The following PTPN2 variants were observed in gnomAD, a reference collection of about 807,000 sequenced individuals.
The protein encoded by PTPN2 is protein tyrosine phosphatase non-receptor type 2, also known as tyrosine-protein phosphatase non-receptor type 2.
PTPN2 carries 19 observed loss-of-function variants against 57.3 expected under a neutral mutation model. That is an observed-to-expected ratio of 0.33 (90% CI 0.23 to 0.49). The LOEUF is 0.49. Ranked by LOEUF, PTPN2 falls within the 20% of genes least tolerant of loss-of-function variation. PTPN2 has a pLI of 0.99. For synonymous variants in PTPN2, 153 were observed against 164.9 expected, an observed-to-expected ratio of 0.93 and a Z score of 0.55; for missense variants, 358 against 501.1, an observed-to-expected ratio of 0.71 and a Z score of 2.73.
intron 3 of PTPN2, among the ~76,000 whole-genome samples, chr18:12,836,122 TA>T (rs1266598032): frequency 6.6e-6 from 1 of 152,240 alleles, no homozygotes; most frequent in African/African-American, 2.4e-5. Context: ...TAAAAATCTT[TA>T]GGGGGAAAGA....
intron 1 of PTPN2, among the ~76,000 whole-genome samples, chr18:12,875,045 A>G (rs1488342193): frequency 2.6e-5 from 4 of 152,014 alleles, no homozygotes; most frequent in Non-Finnish European, 5.9e-5. Flanking sequence ...TGCTGTGTCC[A>G]CTCAGGGTTA....
intron 9 of PTPN2, chr18:12,786,253 T>G (rs1261166439): frequency 5.7e-6 from 1 of 175,292 alleles, no homozygotes; most frequent in Non-Finnish European, 1.2e-5. Flanking sequence ...TGGAATTCAA[T>G]GCAAAAGTCT....
chr18:12,841,306 G>A (rs1284255915), intron 2 of PTPN2, among the ~76,000 whole-genome samples: 1 of 152,262 alleles, frequency 6.6e-6, no homozygotes, highest in Admixed American at 6.5e-5. Context: ...GGCGGACCCT[G>A]AAGGGCACGT....
rs77581768 is a variant in PTPN2, at chr18:12,881,808, A to C, written c.69+2265T>G. On this transcript the variant is annotated intron_variant, in intron 1 of 8. Coordinates refer to ENST00000309660, the MANE Select transcript of PTPN2 (RefSeq NM_002828.4). ...CAACTCCACAAGACCCTGTGCTTCA[A>C]GCTAGCTTTACATGTATCACTTTAA... Among the ~76,000 whole-genome samples, 1,522 of 152,334 alleles carry C rather than the reference A, an allele frequency of 1.0e-2. 13 individuals are homozygous for C. The highest frequency in any genetic ancestry group is 0.014 in the Admixed American group (207 of 15,304).
chr18:12,852,616 A>G (rs2043437074), intron 2 of PTPN2, among the ~76,000 whole-genome samples: 1 of 152,190 alleles, frequency 6.6e-6, no homozygotes, highest in Non-Finnish European at 1.5e-5. Context: ...CCTGGGCTCA[A>G]GCGATCCTCC....
chr18:12,854,976 C>G (rs573238195), intron 2 of PTPN2, among the ~76,000 whole-genome samples: 1 of 152,230 alleles, frequency 6.6e-6, no homozygotes, highest in Admixed American at 6.5e-5. Flanking sequence ...CATGGTGAAA[C>G]CCTGTTTCTA....
intron 2 of PTPN2, among the ~76,000 whole-genome samples, chr18:12,842,090 G>A (rs982041355): frequency 1.3e-5 from 2 of 152,158 alleles, no homozygotes; most frequent in African/African-American, 4.8e-5. Context: ...ATTTTTAGCA[G>A]AGACGGGGTT....
At chr18:12,864,619 C>T (rs1385410604) in intron 1 of PTPN2, among the ~76,000 whole-genome samples, 2 of 151,942 alleles carry the variant, frequency 1.3e-5, no homozygotes, top group Admixed American at 6.6e-5. Flanking sequence ...AGGATGGTCT[C>T]GATCTCCTGA....
chr18:12,825,771 T>C (rs2145352249), intron 5 of PTPN2, 39 bp downstream of exon 5: 1 of 1,559,164 alleles, frequency 6.4e-7, no homozygotes, highest in East Asian at 2.3e-5. Flanking sequence ...CTTTAAACCA[T>C]CATATAAAGT....
At position 12,870,331 on chromosome 18, in the gene PTPN2, G is replaced by GTA. The variant is rs1177621527; in HGVS notation, c.70-11079_70-11078dup. Among the ~76,000 whole-genome samples, 4 of 61,004 alleles carry GTA rather than the reference G, an allele frequency of 6.6e-5. 1 individual carries two copies. Among genetic ancestry groups the GTA allele is most frequent in the African/African-American group, 2.4e-4 (2 of 8,482 alleles). 40.0% of individuals were successfully genotyped at this position (61,004 alleles called of 152,430 possible). ...TATACATATATATGTGTATATATATGTATATATATACATATATATGTGTAT... is the reference window on the plus strand; with the variant it reads ...TATACATATATATGTGTATATATATGTATATATATATACATATATATGTGTAT... On this transcript the variant is annotated intron_variant, in intron 1 of 8. Coordinates refer to ENST00000309660, the MANE Select transcript of PTPN2 (RefSeq NM_002828.4).
At chr18:12,865,923 G>A (rs1267686308) in intron 1 of PTPN2, among the ~76,000 whole-genome samples, 4 of 152,058 alleles carry the variant, frequency 2.6e-5, no homozygotes, top group African/African-American at 7.2e-5. Flanking sequence ...CTACTCCAAG[G>A]CACATACCCA....
At chr18:12,828,399 C>T (rs950680901) in intron 4 of PTPN2, among the ~76,000 whole-genome samples, 1 of 152,044 alleles carries the variant, frequency 6.6e-6, no homozygotes, top group Non-Finnish European at 1.5e-5. Flanking sequence ...TAAAGTACAA[C>T]TCAGAAACAC....
At chr18:12,836,698 AAAG>A in intron 3 of PTPN2, 90 bp downstream of exon 3, 3 of 756,194 alleles carry the variant, frequency 4.0e-6, no homozygotes, top group Non-Finnish European at 6.4e-6. Flanking sequence ...TTCATTTCCA[AAAG>A]AAGTCAAGAT....
chr18:12,852,331 T>C (rs1246339582), intron 2 of PTPN2, among the ~76,000 whole-genome samples: 1 of 152,032 alleles, frequency 6.6e-6, no homozygotes, highest in African/African-American at 2.4e-5. Flanking sequence ...GTACTGCAAA[T>C]AGGAAGATCT....
At chr18:12,861,471 A>C (rs1235507704) in intron 1 of PTPN2, among the ~76,000 whole-genome samples, 1 of 152,190 alleles carries the variant, frequency 6.6e-6, no homozygotes, top group Non-Finnish European at 1.5e-5. Flanking sequence ...TAGTTACTAC[A>C]GCTTTGTAAT....
intron 1 of PTPN2, among the ~76,000 whole-genome samples, chr18:12,860,163 C>T (rs911696308): frequency 1.3e-5 from 2 of 152,094 alleles, no homozygotes; most frequent in African/African-American, 4.8e-5. Flanking sequence ...GTGATGGGTG[C>T]CTGTAATCCC....
In PTPN2 at chr18:12,852,527, T is replaced by C. The variant is rs1010116559; in HGVS notation, c.160+6637A>G. 2.6e-5 allele frequency among the ~76,000 whole-genome samples: 4 copies of C among 152,210 alleles called. No homozygotes were observed. In the East Asian group the frequency reaches 5.8e-4, roughly 22 times the overall value. On this transcript the variant is annotated intron_variant, in intron 2 of 8. Coordinates refer to ENST00000309660, the MANE Select transcript of PTPN2 (RefSeq NM_002828.4). ...ACCTCTTCAAATCCTTTCAATTTTC[T>C]TCCTTTTTTGAGACAAGGTCTCACA...
At chr18:12,881,361 C>T (rs2044662959) in intron 1 of PTPN2, among the ~76,000 whole-genome samples, 1 of 152,068 alleles carries the variant, frequency 6.6e-6, no homozygotes, top group African/African-American at 2.4e-5. Flanking sequence ...CACTTGAACC[C>T]AGGAGGCAGA....
chr18:12,836,725 T>A, intron 3 of PTPN2, 66 bp downstream of exon 3: 1 of 1,010,402 alleles, frequency 9.9e-7, no homozygotes, highest in Non-Finnish European at 1.5e-6. Context: ...CTTTTACCTA[T>A]GATTTAAAGC....
Sources: gnomAD v4.1 joint callset for allele counts (sites outside exome capture counted in the v4.1 genomes callset) on GRCh38, gnomAD v4.1.1 for gene constraint, MANE v1.5 for transcripts, NCBI Gene and HGNC (gene_info 2026-07-23, HGNC 2026-07-21) for gene names.